The following SCN9A variants were observed in gnomAD, a reference collection of about 807,000 sequenced individuals.
SCN9A encodes sodium channel protein type 9 subunit alpha.
In SCN9A, 131 loss-of-function variants were observed where a neutral mutation model predicts 187.0. The ratio of observed to expected loss-of-function variants is 0.70; its 90% CI spans 0.61 to 0.81. The LOEUF is 0.81. Among genes scored for constraint, SCN9A ranks in the 30% least tolerant of loss-of-function variants. The pLI is 0.00. For synonymous variants in SCN9A, 809 were observed against 808.6 expected, an observed-to-expected ratio of 1.00 and a Z score of -0.01; for missense variants, 2,252 against 2,396.6, an observed-to-expected ratio of 0.94 and a Z score of 1.26.
chr2:166,331,682 A>G (rs1218340852), intron 1 of SCN9A, among the ~76,000 whole-genome samples: 1 of 152,194 alleles, frequency 6.6e-6, no homozygotes, highest in Non-Finnish European at 1.5e-5. Flanking sequence ...GCTATAAGAG[A>G]TGAGTGTCTT....
chr2:166,362,295 T>C (rs1700304147), intron 1 of SCN9A, among the ~76,000 whole-genome samples: 1 of 152,006 alleles, frequency 6.6e-6, no homozygotes, highest in Non-Finnish European at 1.5e-5. Context: ...TTCTCTGCTC[T>C]CTCTTGGAAC....
At position 166,232,469 on chromosome 2, in the gene SCN9A, T is replaced by C. The variant is rs565820987; in HGVS notation, c.3924+871A>G. Reference sequence around the variant, plus strand: ...TGTCTCACTTACCTATCTTTTCTAATGCTCCTTACCCAGGTAGTTTCTTAA... The same window carrying C: ...TGTCTCACTTACCTATCTTTTCTAACGCTCCTTACCCAGGTAGTTTCTTAA... On this transcript the variant is annotated intron_variant, in intron 21 of 26. Coordinates refer to ENST00000642356, the MANE Select transcript of SCN9A (RefSeq NM_001365536.1). 3.1e-4 allele frequency among the ~76,000 whole-genome samples: 47 copies of C among 152,314 alleles called. No individual in the cohort carries two copies. The South Asian group carries it at 9.5e-3, about 31-fold the overall frequency.
rs200560768 is a variant in SCN9A, at chr2:166,272,583, T to C, written c.3167A>G (p.Lys1056Arg). 6.2e-5 allele frequency: 100 copies of C among 1,613,494 alleles called. No homozygotes were observed. The African/African-American group carries it at 1.3e-3, about 20-fold the overall frequency. Residue 1056 changes from lysine to arginine, a missense_variant, in exon 17 of 27, where the codon AAA becomes AGA. Transcript: ENST00000642356. Reference sequence around the variant, plus strand: ...GCTTCCAAAACCACTGATTTTATCTTTTTCCTTGAGGAAATTGTGACCTTT... The same window carrying C: ...GCTTCCAAAACCACTGATTTTATCTCTTTCCTTGAGGAAATTGTGACCTTT... ...MSKGHNFLKEKDKISGFGSSV... is the reference protein window; with the variant it reads ...MSKGHNFLKERDKISGFGSSV...
chr2:166,340,540 CCCTTTCTTTCTT>C (rs1474759377), intron 1 of SCN9A, among the ~76,000 whole-genome samples: 2,505 of 111,328 alleles, frequency 0.023, 111 homozygotes, highest in Non-Finnish European at 0.029. Context: ...TCTTTTCTTT[CCCTTTCTTTCTT>C]TCTTTCTTTC....
rs372650944 is a variant in SCN9A at position 166,228,827 on chromosome 2, G to A, written c.4070C>T (p.Ser1357Leu). The change falls in exon 22 of 27, where the codon TCA becomes TTA. Residue 1357 changes from serine to leucine, a missense_variant. This residue lies in a region of SCN9A where 368 missense variants were observed against 408.6 expected (regional missense o/e 0.90). Coordinates refer to ENST00000642356, the MANE Select transcript of SCN9A (RefSeq NM_001365536.1). The stretch of plus-strand genomic sequence containing the variant: ...TGGAACTTGACTTGCAGGAAACCGT[G>A]ACCCATCTGTGGTGTTAATACACTC... The part of the protein sequence containing the change: ...FYECINTTDG[S>L]RFPASQVPNR... The A allele has an allele frequency of 1.1e-5, 17 of 1,613,796 alleles. No homozygotes were observed. In the African/African-American group the frequency reaches 2.3e-4, roughly 22 times the overall value.
chr2:166,337,294 G>C (rs973077602), intron 1 of SCN9A, among the ~76,000 whole-genome samples: 2 of 152,076 alleles, frequency 1.3e-5, no homozygotes, highest in Admixed American at 1.3e-4. Context: ...GGAGGATGAG[G>C]CTTAAAGAAC....
rs111654843 is a variant in SCN9A at position 166,323,750 on chromosome 2, GTAATATGTTGTGCTTTTGTAA to G, written c.-50-11965_-50-11945del. On this transcript the variant is annotated intron_variant, in intron 1 of 26. Transcript: ENST00000642356. ...GTGCATATTATGTCCATATAATTTT[GTAATATGTTGTGCTTTTGTAA>G]TAATTAATGTTTATCTTATATATGA... is the stretch of plus-strand genomic sequence containing the variant. Among the ~76,000 whole-genome samples, 1,442 of 151,902 alleles carry G rather than the reference GTAATATGTTGTGCTTTTGTAA, an allele frequency of 9.5e-3. 30 individuals carry two copies. Among genetic ancestry groups the G allele is most frequent in the African/African-American group, 0.032 (1,311 of 41,422 alleles).
In SCN9A at chr2:166,199,711, G is replaced by A. The variant is rs879253994; in HGVS notation, c.4928C>T (p.Ala1643Val). 2.5e-6 allele frequency: 4 copies of A among 1,613,936 alleles called. No homozygotes were observed. Among genetic ancestry groups the A allele is most frequent in the Non-Finnish European group, 3.4e-6 (4 of 1,180,024 alleles). The change falls in exon 27 of 27, where the codon GCG becomes GTG. Residue 1643 changes from alanine (A) to valine (V), a missense_variant. Coordinates refer to ENST00000642356, the MANE Select transcript of SCN9A (RefSeq NM_001365536.1). Reference protein sequence around the residue: ...LLFALMMSLPALFNIGLLLFL... With the variant: ...LLFALMMSLPVLFNIGLLLFL... Reference sequence around the variant, plus strand: ...GAGCAGGAGGCCGATGTTAAACAACGCAGGAAGGGACATCATCAAAGCAAA... The same window carrying A: ...GAGCAGGAGGCCGATGTTAAACAACACAGGAAGGGACATCATCAAAGCAAA...
At chr2:166,210,894 T>C (rs116249642) in intron 24 of SCN9A, among the ~76,000 whole-genome samples, 3,144 of 151,980 alleles carry the variant, frequency 0.021, 120 homozygotes, top group African/African-American at 0.073. Context: ...ACCACATCTC[T>C]ACCAAAAATT....
intron 17 of SCN9A, among the ~76,000 whole-genome samples, chr2:166,260,563 G>T (rs1227126854): frequency 1.3e-5 from 2 of 151,796 alleles, no homozygotes; most frequent in Non-Finnish European, 2.9e-5. Flanking sequence ...TTTACCTAAG[G>T]TGCAAGCTAT....
intron 26 of SCN9A, among the ~76,000 whole-genome samples, chr2:166,201,908 A>AT (rs547193581): frequency 0.013 from 2,002 of 151,698 alleles, 20 homozygotes; most frequent in Middle Eastern, 0.017. Flanking sequence ...ATTTATTTGC[A>AT]TTTTTTGTGA....
At chr2:166,294,716 G>C (rs1330912720) in intron 7 of SCN9A, 54 bp from the exon 8 acceptor site, 2 of 1,256,212 alleles carry the variant, frequency 1.6e-6, no homozygotes, top group Non-Finnish European at 2.3e-6. Flanking sequence ...ATCTGTGATT[G>C]TGATAAAGGA....
In SCN9A at chr2:166,282,129, T is replaced by C. The variant is rs142173622; in HGVS notation, c.1975-321A>G. 1.0e-3 allele frequency among the ~76,000 whole-genome samples: 152 copies of C among 152,362 alleles called. No individual in the cohort carries two copies. The East Asian group carries it at 0.026, about 26-fold the overall frequency. On this transcript the variant is annotated intron_variant, in intron 12 of 26. Coordinates refer to ENST00000642356, the MANE Select transcript of SCN9A (RefSeq NM_001365536.1). ...ATCACTATCATCACCTCTCTGCCTT[T>C]CTGAGTGTTCAATTTATTCAGATAG... is the stretch of plus-strand genomic sequence containing the variant.
In SCN9A at chr2:166,198,621, C is replaced by T. The variant is rs201222535; in HGVS notation, c.*51G>A. 1.9e-5 allele frequency: 26 copies of T among 1,347,230 alleles called. No homozygotes were observed. The highest frequency in any genetic ancestry group is 1.3e-4 in the Admixed American group (5 of 37,742). 83.5% of individuals were successfully genotyped at this position (1,347,230 alleles called of 1,614,324 possible). On this transcript the variant is annotated 3_prime_UTR_variant, in exon 27 of 27. Transcript: ENST00000642356. Reference sequence around the variant, plus strand: ...GACTTCCTCAAAAGAGTTTTATTAACACAAATAAATCACTTTCACAGGCTG... The same window carrying T: ...GACTTCCTCAAAAGAGTTTTATTAATACAAATAAATCACTTTCACAGGCTG...
intron 4 of SCN9A, 110 bp downstream of exon 4, chr2:166,306,400 G>A (rs2106527032): frequency 1.4e-6 from 1 of 709,378 alleles, no homozygotes; most frequent in Non-Finnish European, 2.5e-6. Context: ...ATATAACATG[G>A]GAAGGTAAAG....
chr2:166,307,489 A>C (rs1253953640), intron 2 of SCN9A, among the ~76,000 whole-genome samples: 1 of 152,240 alleles, frequency 6.6e-6, no homozygotes, highest in Admixed American at 6.5e-5. Flanking sequence ...TGAGAATTTT[A>C]ATACTTGCTG....
intron 1 of SCN9A, among the ~76,000 whole-genome samples, chr2:166,312,506 G>T (rs1698991618): frequency 6.6e-6 from 1 of 152,038 alleles, no homozygotes; most frequent in Non-Finnish European, 1.5e-5. Flanking sequence ...ATTAATGTTT[G>T]TATATTGCCC....
rs571582439 is a variant in SCN9A, at chr2:166,200,381, C to T, written c.4775-517G>A. 2.9e-4 allele frequency among the ~76,000 whole-genome samples: 44 copies of T among 152,194 alleles called. 1 individual carries two copies. The South Asian group carries it at 8.3e-3, about 29-fold the overall frequency. ...GAAATGACTAACATTACCATTGTGACATTTTCTCCTTTTTACTAAGTTCAT... is the reference window on the plus strand; with the variant it reads ...GAAATGACTAACATTACCATTGTGATATTTTCTCCTTTTTACTAAGTTCAT... On this transcript the variant is annotated intron_variant, in intron 26 of 26. Coordinates refer to ENST00000642356, the MANE Select transcript of SCN9A (RefSeq NM_001365536.1).
chr2:166,321,508 C>T (rs949634994), intron 1 of SCN9A: 1 of 124,038 alleles, frequency 8.1e-6, no homozygotes, highest in African/African-American at 3.5e-5. Context: ...GGATGACAGA[C>T]AGAGACCCTG....
Sources: allele counts gnomAD v4.1 joint callset (sites outside exome capture counted in the v4.1 genomes callset), GRCh38; gene constraint gnomAD v4.1.1; regional missense constraint gnomAD v4.1.1; transcripts MANE v1.5; gene names NCBI Gene and HGNC (gene_info 2026-07-23, HGNC 2026-07-21).